PSMA5: variants seen among roughly 807,000 people sequenced by gnomAD.
The protein encoded by PSMA5 is proteasome subunit alpha type-5.
A neutral mutation model predicts 34.5 loss-of-function variants in PSMA5; 3 were observed. The ratio of observed to expected loss-of-function variants is 0.09; its 90% confidence interval spans 0.04 to 0.22. The LOEUF (loss-of-function observed/expected upper bound fraction) is 0.22, where lower values mean the gene tolerates loss of function less well. PSMA5 is among the 10% of genes least tolerant of loss of function. The pLI is 1.00. For synonymous variants in PSMA5, 88 were observed against 95.8 expected (o/e 0.92, Z 0.47); for missense variants, 120 against 286.1 (o/e 0.42, Z 4.19).
chr1:109,411,792 G>T, intron 6 of PSMA5, 85 bp downstream of exon 6: 1 of 1,353,390 alleles, frequency 7.4e-7, no homozygotes, highest in Non-Finnish European at 1.1e-6. Flanking sequence ...CTGGCTAACA[G>T]TCTACAATAA....
intron 2 of PSMA5, among the ~76,000 whole-genome samples, chr1:109,418,118 G>A (rs1036333275): frequency 6.6e-6 from 1 of 152,066 alleles, no homozygotes; most frequent in Admixed American, 6.5e-5. Flanking sequence ...GGGGGCTGAG[G>A]TGGGAGGATC....
Position 109,412,360 on chromosome 1 carries a change from TG to T in PSMA5, c.292-177del, listed in dbSNP as rs1654023876. 6 of 571,888 alleles carry T rather than the reference TG, an allele frequency of 1.0e-5. No homozygotes were observed. The South Asian group carries it at 1.3e-4, about 13-fold the overall frequency. 35.4% of individuals were successfully genotyped at this position (571,888 alleles called of 1,614,324 possible). On this transcript the variant is annotated intron_variant, in intron 4 of 8. Coordinates refer to ENST00000271308, the MANE Select transcript of PSMA5 (RefSeq NM_002790.4). Reference sequence around the variant, plus strand: ...TACATGAGAGGAAGAGAAATAGCTCTGGAAATAAACATATCACAAGGACTCT... The same window carrying T: ...TACATGAGAGGAAGAGAAATAGCTCTGAAATAAACATATCACAAGGACTCT...
chr1:109,403,065 C>A (rs773724129), intron 8 of PSMA5, among the ~76,000 whole-genome samples: 13 of 152,124 alleles, frequency 8.5e-5, no homozygotes, highest in Admixed American at 2.6e-4. Context: ...GCATAGGAAA[C>A]CAGTTGTGAC....
chr1:109,402,097 A>G lies in PSMA5; in HGVS notation c.649-7T>C. The G allele has an allele frequency of 6.2e-7, 1 of 1,606,662 alleles. No individual in the cohort carries two copies. ...CAGGCTGCACTGTGGCTAGCTGGAA[A>G]GAAAACAGAAGGGTTAATAAGCTGG... On this transcript the variant is annotated splice_region_variant and splice_polypyrimidine_tract_variant and intron_variant, in intron 8 of 8. Coordinates refer to ENST00000271308, the MANE Select transcript of PSMA5 (RefSeq NM_002790.4).
chr1:109,408,888 A>G (rs1394021951), intron 8 of PSMA5, among the ~76,000 whole-genome samples: 1 of 151,734 alleles, frequency 6.6e-6, no homozygotes, highest in Non-Finnish European at 1.5e-5. Flanking sequence ...ATGGGGTTTC[A>G]CCATGTTGGG....
At chr1:109,403,784 A>G (rs1571012111) in intron 8 of PSMA5, among the ~76,000 whole-genome samples, 1 of 152,174 alleles carries the variant, frequency 6.6e-6, no homozygotes, top group South Asian at 2.1e-4. Flanking sequence ...TGCCTCATCT[A>G]TAAGTAAAAT....
intron 1 of PSMA5, among the ~76,000 whole-genome samples, chr1:109,424,337 C>T (rs1207271922): frequency 6.6e-6 from 1 of 152,058 alleles, no homozygotes; most frequent in Admixed American, 6.5e-5. Context: ...CCACCACACC[C>T]GGCTGATATT....
At chr1:109,409,291 G>A (rs1653905033) in intron 8 of PSMA5, among the ~76,000 whole-genome samples, 1 of 152,172 alleles carries the variant, frequency 6.6e-6, no homozygotes, top group African/African-American at 2.4e-5. Context: ...CGAGTAGCTG[G>A]AACTACAGGT....
chr1:109,421,523 T>C (rs1654444723), intron 2 of PSMA5, among the ~76,000 whole-genome samples: 1 of 149,918 alleles, frequency 6.7e-6, no homozygotes, highest in Non-Finnish European at 1.5e-5. Context: ...CATGATTTGC[T>C]AAAGAAAACA....
chr1:109,403,592 T>C (rs1653624326), intron 8 of PSMA5, among the ~76,000 whole-genome samples: 1 of 152,106 alleles, frequency 6.6e-6, no homozygotes, highest in African/African-American at 2.4e-5. Context: ...ATCATCCCAC[T>C]GCACTCCAGC....
Position 109,426,428 on chromosome 1 carries a change from C to T in PSMA5, c.-98G>A. The T allele has an allele frequency of 1.3e-6, 2 of 1,484,606 alleles. No homozygotes were observed. The highest frequency in any genetic ancestry group is 1.1e-5 in the South Asian group (1 of 88,402). The allele number at this position is 1,484,606 out of a possible 1,614,324, so 92.0% of individuals were successfully genotyped here. Reference sequence around the variant, plus strand: ...ACCGGCAGCCAACTCACCCACACGGCCGCAGTACTAAGGACCAACTGCGCG... The same window carrying T: ...ACCGGCAGCCAACTCACCCACACGGTCGCAGTACTAAGGACCAACTGCGCG... On this transcript the variant is annotated 5_prime_UTR_variant, in exon 1 of 9. Transcript: ENST00000271308.
At chr1:109,411,237 G>A (rs940548483) in intron 6 of PSMA5, 124 bp from the exon 7 acceptor site, 3 of 639,934 alleles carry the variant, frequency 4.7e-6, no homozygotes, top group Non-Finnish European at 5.6e-6. Context: ...CTGAAATATT[G>A]AGGCACAGAT....
In PSMA5 at chr1:109,411,868, G is replaced by A; in HGVS notation, c.458+9C>T. 6.2e-7 allele frequency: 1 copy of A among 1,607,880 alleles called. No homozygotes were observed. The highest frequency in any genetic ancestry group is 8.5e-7 in the Non-Finnish European group (1 of 1,174,424). ...AAAGCATGGGGGAAAATTACAAAATGGTACTTACAGCTGGGGTCCTTTCTC... is the reference window on the plus strand; with the variant it reads ...AAAGCATGGGGGAAAATTACAAAATAGTACTTACAGCTGGGGTCCTTTCTC... On this transcript the variant is annotated intron_variant, in intron 6 of 8. Coordinates refer to ENST00000271308, the MANE Select transcript of PSMA5 (RefSeq NM_002790.4).
intron 6 of PSMA5, among the ~76,000 whole-genome samples, 183 bp downstream of exon 6, chr1:109,411,694 C>T (rs540408433): frequency 5.9e-5 from 9 of 152,176 alleles, no homozygotes; most frequent in African/African-American, 1.7e-4. Flanking sequence ...GATCATAGCT[C>T]ACTACAGCCT....
intron 3 of PSMA5, among the ~76,000 whole-genome samples, chr1:109,413,825 C>T (rs994161617): frequency 6.6e-6 from 1 of 152,198 alleles, no homozygotes; most frequent in Non-Finnish European, 1.5e-5. Flanking sequence ...ATCACAAGTT[C>T]TGTCAATTTC....
intron 2 of PSMA5, among the ~76,000 whole-genome samples, chr1:109,417,834 A>C (rs1295325069): frequency 6.6e-6 from 1 of 152,188 alleles, no homozygotes; most frequent in African/African-American, 2.4e-5. Flanking sequence ...CCACAAATAA[A>C]TATAAATACA....
At chr1:109,415,939 T>G (rs1026615386) in intron 2 of PSMA5, among the ~76,000 whole-genome samples, 14 of 152,102 alleles carry the variant, frequency 9.2e-5, no homozygotes, top group Non-Finnish European at 2.1e-4. Context: ...ACCAACAACG[T>G]AAAACTATTA....
At position 109,412,241 on chromosome 1, in the gene PSMA5, C is replaced by T. The variant is rs1345590101; in HGVS notation, c.292-57G>A. On this transcript the variant is annotated intron_variant, in intron 4 of 8. Transcript: ENST00000271308. ...CTAATAAGGACATTAAAGCAGCCCA[C>T]CATCTCACTACGCACATCCCTTTAA... is the stretch of plus-strand genomic sequence containing the variant. The T allele has an allele frequency of 4.0e-5, 55 of 1,385,364 alleles. 1 individual carries two copies. In the Admixed American group the frequency reaches 7.9e-4, roughly 20 times the overall value. The allele number at this position is 1,385,364 out of a possible 1,614,324, so 85.8% of individuals were successfully genotyped here. A position where few individuals can be genotyped will look rare whatever the true frequency, so the allele number is the denominator to read the frequency against.
In PSMA5 at chr1:109,405,043, C is replaced by G. The variant is rs75728716; in HGVS notation, c.649-2953G>C. ...AAATGCACAGAACCACAAAAGAACACGACATATTTGCAAAACTGAAAGTAA... is the reference window on the plus strand; with the variant it reads ...AAATGCACAGAACCACAAAAGAACAGGACATATTTGCAAAACTGAAAGTAA... On this transcript the variant is annotated intron_variant, in intron 8 of 8. Transcript: ENST00000271308. Among the ~76,000 whole-genome samples the G allele has an allele frequency of 9.5e-4, 144 of 152,284 alleles. 2 individuals carry two copies. The highest frequency in any genetic ancestry group is 3.3e-3 in the African/African-American group (136 of 41,568).
Sources: gnomAD v4.1 joint callset for allele counts (sites outside exome capture counted in the v4.1 genomes callset) on GRCh38, gnomAD v4.1.1 for gene constraint, MANE v1.5 for transcripts, NCBI Gene and HGNC (gene_info 2026-07-23, HGNC 2026-07-21) for gene names.